Variants in ZFHX3 observed in about 807,000 individuals in gnomAD.
The protein encoded by ZFHX3 is zinc finger homeobox protein 3.
ZFHX3 carries 42 observed loss-of-function variants against 279.1 expected under a neutral mutation model. The ratio of observed to expected loss-of-function variants is 0.15; its 90% CI spans 0.12 to 0.19. The LOEUF is 0.19. Among genes scored for constraint, ZFHX3 ranks in the 10% least tolerant of loss-of-function variants. The pLI is 1.00. For synonymous variants in ZFHX3, 2,293 were observed against 1,957.8 expected, an observed-to-expected ratio of 1.17 and a Z score of -4.52; for missense variants, 4,981 against 4,754.0, an observed-to-expected ratio of 1.05 and a Z score of -1.40.
chr16:73,840,929 A>G (rs867473797), intron 1 of ZFHX3, among the ~76,000 whole-genome samples: 2 of 152,194 alleles, frequency 1.3e-5, no homozygotes, highest in Non-Finnish European at 2.9e-5. Flanking sequence ...CAACAGGAAG[A>G]GGAATGAGAA....
intron 1 of ZFHX3, among the ~76,000 whole-genome samples, chr16:73,776,183 G>A (rs953410327): frequency 2.0e-5 from 3 of 152,016 alleles, no homozygotes; most frequent in Admixed American, 6.6e-5. Context: ...CTTCCTCCAC[G>A]TCCTCCTGGG....
At chr16:73,545,533 T>A (rs1391676507) in intron 2 of ZFHX3, among the ~76,000 whole-genome samples, 2 of 152,166 alleles carry the variant, frequency 1.3e-5, no homozygotes, top group Admixed American at 1.3e-4. Context: ...TGCAAAAGGA[T>A]AATTTATTGG....
intron 3 of ZFHX3, among the ~76,000 whole-genome samples, chr16:73,397,897 T>C (rs1368476922): frequency 6.6e-6 from 1 of 152,108 alleles, no homozygotes; most frequent in Non-Finnish European, 1.5e-5. Flanking sequence ...CAGGCTGGAG[T>C]GCAATGGCGC....
rs74028169 is a variant in ZFHX3 at position 72,982,230 on chromosome 16, T to A, written c.-49-22036A>T. Reference sequence around the variant, plus strand: ...CTCATTTGACCTCTAACAATCTTTTTAAATAGAATGGGAATCATATTTTCG... The same window carrying A: ...CTCATTTGACCTCTAACAATCTTTTAAAATAGAATGGGAATCATATTTTCG... On this transcript the variant is annotated intron_variant, in intron 1 of 9. Coordinates refer to ENST00000268489, the MANE Select transcript of ZFHX3 (RefSeq NM_006885.4). 4.0e-3 allele frequency among the ~76,000 whole-genome samples: 616 copies of A among 152,268 alleles called. 3 individuals are homozygous for A. Among genetic ancestry groups the A allele is most frequent in the African/African-American group, 0.014 (595 of 41,536 alleles).
At chr16:72,824,181 G>A (rs2036874388) in intron 5 of ZFHX3, among the ~76,000 whole-genome samples, 1 of 152,062 alleles carries the variant, frequency 6.6e-6, no homozygotes, top group African/African-American at 2.4e-5. Context: ...TATGCAGCAG[G>A]AGCCATACGC....
chr16:73,126,869 C>T (rs1280109010), intron 7 of ZFHX3: 3 of 153,690 alleles, frequency 2.0e-5, no homozygotes, highest in Admixed American at 6.5e-5. Flanking sequence ...GGATGCATCT[C>T]ATTAAAAGGA....
chr16:73,790,514 T>C (rs866820291), intron 1 of ZFHX3, among the ~76,000 whole-genome samples: 5 of 152,252 alleles, frequency 3.3e-5, no homozygotes, highest in South Asian at 2.1e-4. Flanking sequence ...CATTATTTTC[T>C]GCCATTTCTC....
intron 4 of ZFHX3, among the ~76,000 whole-genome samples, chr16:73,303,583 C>T (rs2015107955): frequency 2.0e-5 from 3 of 152,148 alleles, no homozygotes; most frequent in Admixed American, 2.0e-4. Flanking sequence ...CACTTTATAA[C>T]TGGATCTCTG....
chr16:73,874,676 C>G (rs146145718), intron 1 of ZFHX3, among the ~76,000 whole-genome samples: 9 of 152,084 alleles, frequency 5.9e-5, no homozygotes, highest in Admixed American at 3.3e-4. Context: ...ATTTGACTTA[C>G]CTGTTTGTGT....
chr16:73,406,414 C>G (rs1342888798), intron 3 of ZFHX3, among the ~76,000 whole-genome samples: 1 of 152,190 alleles, frequency 6.6e-6, no homozygotes, highest in Non-Finnish European at 1.5e-5. Flanking sequence ...AAACTGAAGA[C>G]AATTTCAGAT....
chr16:72,911,361 T>A (rs1278959824), intron 3 of ZFHX3, among the ~76,000 whole-genome samples: 2 of 152,248 alleles, frequency 1.3e-5, no homozygotes, highest in African/African-American at 4.8e-5. Context: ...AAGGACACTG[T>A]CAATTCTCAA....
At chr16:73,101,464 C>A (rs185667434) in intron 7 of ZFHX3, among the ~76,000 whole-genome samples, 1 of 152,158 alleles carries the variant, frequency 6.6e-6, no homozygotes, top group Non-Finnish European at 1.5e-5. Flanking sequence ...CTGCAACTTC[C>A]GTCTCCCTGG....
intron 1 of ZFHX3, among the ~76,000 whole-genome samples, chr16:73,694,100 A>C (rs995722428): frequency 4.6e-5 from 7 of 152,172 alleles, no homozygotes; most frequent in Admixed American, 1.3e-4. Flanking sequence ...AGGCAGGCAA[A>C]TCACTTGAGG....
chr16:73,805,377 C>T (rs886084328), intron 1 of ZFHX3, among the ~76,000 whole-genome samples: 2 of 152,104 alleles, frequency 1.3e-5, no homozygotes, highest in African/African-American at 4.8e-5. Context: ...CCATGTTGGC[C>T]AGGATGGTCT....
At chr16:73,211,906 A>G (rs1010788125) in intron 5 of ZFHX3, among the ~76,000 whole-genome samples, 1 of 152,004 alleles carries the variant, frequency 6.6e-6, no homozygotes, top group African/African-American at 2.4e-5. Context: ...GCGCAGTTCT[A>G]TTTGATCTGT....
intron 2 of ZFHX3, among the ~76,000 whole-genome samples, chr16:73,577,678 T>G (rs937626017): frequency 3.3e-5 from 5 of 152,160 alleles, no homozygotes; most frequent in African/African-American, 2.4e-5. Context: ...AAGGTATACT[T>G]TTGTTTTTAA....
chr16:73,075,509 C>T (rs1039589018), intron 8 of ZFHX3, among the ~76,000 whole-genome samples: 1 of 152,082 alleles, frequency 6.6e-6, no homozygotes, highest in African/African-American at 2.4e-5. Flanking sequence ...CAGCTCAGGA[C>T]AGACTCACCT....
At chr16:73,567,095 C>T (rs192524002) in intron 2 of ZFHX3, among the ~76,000 whole-genome samples, 200 of 152,238 alleles carry the variant, frequency 1.3e-3, no homozygotes, top group Non-Finnish European at 1.7e-3. Flanking sequence ...ACGATCCTCC[C>T]ACCTCAGCCT....
chr16:73,832,970 C>G (rs1961038532), intron 1 of ZFHX3, among the ~76,000 whole-genome samples: 1 of 152,200 alleles, frequency 6.6e-6, no homozygotes, highest in East Asian at 1.9e-4. Flanking sequence ...ACATGAATGT[C>G]TATACCAGCC....
Sources: gnomAD v4.1 joint callset for allele counts (sites outside exome capture counted in the v4.1 genomes callset) on GRCh38, gnomAD v4.1.1 for gene constraint, MANE v1.5 for transcripts, NCBI Gene and HGNC (gene_info 2026-07-23, HGNC 2026-07-21) for gene names.